PHACTR1: variants seen among roughly 807,000 people sequenced by gnomAD.
PHACTR1 encodes the protein RPEL repeat containing 1.
Under a neutral mutation model 69.2 loss-of-function variants are expected in PHACTR1, and 16 were observed. The ratio of observed to expected loss-of-function variants is 0.23; its 90% CI spans 0.16 to 0.35. The LOEUF is 0.35. PHACTR1 is among the 10% of genes least tolerant of loss of function. The pLI, the probability that PHACTR1 is intolerant of heterozygous loss-of-function variation, is 1.00. For synonymous variants in PHACTR1, 312 were observed against 284.5 expected (o/e 1.10, Z -0.97); for missense variants, 510 against 734.7 (o/e 0.69, Z 3.54).
intron 4 of PHACTR1, among the ~76,000 whole-genome samples, chr6:12,911,548 T>A (rs1786392291): frequency 6.6e-6 from 1 of 152,152 alleles, no homozygotes; most frequent in Non-Finnish European, 1.5e-5. Context: ...TACTGAGGTG[T>A]CTGCTAGAGG....
rs1390073073 is a variant in PHACTR1, at chr6:12,995,022, A to T, written c.251-58343A>T. On this transcript the variant is annotated intron_variant, in intron 4 of 14. Coordinates refer to ENST00000332995, the MANE Select transcript of PHACTR1 (RefSeq NM_030948.6). Reference sequence around the variant, plus strand: ...AAATTGAACCAAGAAGGAAGGAGTGAGATTGAAGAGGCAGATGTGAAGTTG... The same window carrying T: ...AAATTGAACCAAGAAGGAAGGAGTGTGATTGAAGAGGCAGATGTGAAGTTG... Among the ~76,000 whole-genome samples the T allele has an allele frequency of 2.6e-5, 4 of 152,260 alleles. No homozygotes were observed. The East Asian group carries it at 7.7e-4, about 29-fold the overall frequency.
At chr6:12,862,912 A>G (rs1781088225) in intron 4 of PHACTR1, among the ~76,000 whole-genome samples, 1 of 152,250 alleles carries the variant, frequency 6.6e-6, no homozygotes, top group Admixed American at 6.5e-5. Flanking sequence ...TTGAATGAAC[A>G]GAACAGTGAC....
intron 4 of PHACTR1, among the ~76,000 whole-genome samples, chr6:12,887,430 C>T (rs532678973): frequency 4.6e-5 from 7 of 152,304 alleles, no homozygotes; most frequent in African/African-American, 1.7e-4. Flanking sequence ...ATCTTACTTG[C>T]GAACTGAAAA....
chr6:13,150,098 A>G (rs1051445397), intron 5 of PHACTR1, among the ~76,000 whole-genome samples: 1 of 152,162 alleles, frequency 6.6e-6, no homozygotes, highest in African/African-American at 2.4e-5. Flanking sequence ...TGTAATCCCA[A>G]CAGTTTGGAA....
intron 6 of PHACTR1, among the ~76,000 whole-genome samples, chr6:13,182,276 C>T (rs1212095828): frequency 2.6e-5 from 4 of 152,092 alleles, no homozygotes; most frequent in Admixed American, 6.6e-5. Context: ...GTGATGGATT[C>T]GGGTTAGAAA....
rs148946755 is a variant in PHACTR1, at chr6:13,059,423, A to T, written c.415+5894A>T. On this transcript the variant is annotated intron_variant, in intron 5 of 14. Coordinates refer to ENST00000332995, the MANE Select transcript of PHACTR1 (RefSeq NM_030948.6). ...ACAATCCAGTATTGTGCACTTAAAA[A>T]TTTAAGATGGTAGATTTTATGTTAA... is the stretch of plus-strand genomic sequence containing the variant. Among the ~76,000 whole-genome samples the T allele has an allele frequency of 3.7e-3, 569 of 152,000 alleles. 5 individuals carry two copies. The highest frequency in any genetic ancestry group is 2.2e-3 in the Non-Finnish European group (148 of 67,990).
At chr6:12,856,251 C>T (rs1320235918) in intron 4 of PHACTR1, among the ~76,000 whole-genome samples, 2 of 95,276 alleles carry the variant, frequency 2.1e-5, no homozygotes, top group African/African-American at 3.0e-5. Flanking sequence ...TTCTTTCTTT[C>T]TTTCTTTTTT....
intron 4 of PHACTR1, among the ~76,000 whole-genome samples, chr6:12,855,457 G>C (rs777845339): frequency 1.3e-5 from 2 of 152,182 alleles, no homozygotes; most frequent in Admixed American, 1.3e-4. Context: ...GTCTCTATGA[G>C]ACAAAAAACA....
At chr6:12,982,253 C>A (rs1034582094) in intron 4 of PHACTR1, among the ~76,000 whole-genome samples, 2 of 152,206 alleles carry the variant, frequency 1.3e-5, no homozygotes, top group Non-Finnish European at 2.9e-5. Context: ...CCCTAATAGT[C>A]CTCTAGCTAG....
intron 4 of PHACTR1, among the ~76,000 whole-genome samples, chr6:12,958,912 C>G (rs1365769114): frequency 6.6e-6 from 1 of 152,086 alleles, no homozygotes; most frequent in East Asian, 1.9e-4. Context: ...CACGGTGGCT[C>G]ACGCCTATAA....
chr6:13,234,378 GAAGCTAC>G, intron 10 of PHACTR1, among the ~76,000 whole-genome samples: 1 of 152,358 alleles, frequency 6.6e-6, no homozygotes, highest in Non-Finnish European at 1.5e-5. Context: ...TGGCATTTCT[GAAGCTAC>G]AAGGCTGCAG....
intron 12 of PHACTR1, chr6:13,281,245 T>C: frequency 1.4e-6 from 1 of 724,612 alleles, no homozygotes; most frequent in Admixed American, 3.5e-5. Context: ...TCTCACATCA[T>C]GGGTGCACTC....
At chr6:12,961,042 C>T (rs1005767773) in intron 4 of PHACTR1, among the ~76,000 whole-genome samples, 10 of 152,126 alleles carry the variant, frequency 6.6e-5, no homozygotes, top group Non-Finnish European at 1.3e-4. Context: ...ATTCAGCTTC[C>T]TACAAAGTTC....
chr6:12,817,072 T>G (rs150379421), intron 4 of PHACTR1, among the ~76,000 whole-genome samples: 1 of 152,316 alleles, frequency 6.6e-6, no homozygotes, highest in East Asian at 1.9e-4. Context: ...AGGATTTTTA[T>G]GGTGGTAATA....
rs536143383 is a variant in PHACTR1 at position 13,173,084 on chromosome 6, C to T, written c.497-9435C>T. 1.1e-4 allele frequency among the ~76,000 whole-genome samples: 17 copies of T among 152,316 alleles called. No homozygotes were observed. In the East Asian group the frequency reaches 3.3e-3, roughly 29 times the overall value. Reference sequence around the variant, plus strand: ...CTACAGTCCCCTGTAGTGTCTGCCTCAAATCCTGACAGTGCACAGAGACTT... The same window carrying T: ...CTACAGTCCCCTGTAGTGTCTGCCTTAAATCCTGACAGTGCACAGAGACTT... On this transcript the variant is annotated intron_variant, in intron 6 of 14. Transcript: ENST00000332995.
chr6:12,833,048 C>G (rs1777757771), intron 4 of PHACTR1, among the ~76,000 whole-genome samples: 1 of 151,984 alleles, frequency 6.6e-6, no homozygotes, highest in Non-Finnish European at 1.5e-5. Flanking sequence ...AATTGTGGAG[C>G]CAATTGATTG....
intron 4 of PHACTR1, among the ~76,000 whole-genome samples, chr6:12,859,903 T>C (rs1465196231): frequency 6.6e-6 from 1 of 152,136 alleles, no homozygotes; most frequent in Non-Finnish European, 1.5e-5. Context: ...GCAGAAGGTT[T>C]TTAGAGCTAG....
intron 7 of PHACTR1, among the ~76,000 whole-genome samples, chr6:13,200,878 G>T (rs1252703882): frequency 6.6e-6 from 1 of 151,684 alleles, no homozygotes; most frequent in Non-Finnish European, 1.5e-5. Flanking sequence ...GGGAGCGGGA[G>T]GTTGCAGTGA....
intron 5 of PHACTR1, among the ~76,000 whole-genome samples, chr6:13,155,881 C>T (rs139141128): frequency 0.026 from 3,829 of 150,110 alleles, 55 homozygotes; most frequent in Non-Finnish European, 0.035. Flanking sequence ...GAGCAGGACT[C>T]CCTCTCAAAA....
Sources: gnomAD v4.1 joint callset for allele counts (sites outside exome capture counted in the v4.1 genomes callset) on GRCh38, gnomAD v4.1.1 for gene constraint, MANE v1.5 for transcripts, NCBI Gene and HGNC (gene_info 2026-07-23, HGNC 2026-07-21) for gene names.